FDXR: variants seen among roughly 807,000 people sequenced by gnomAD.
The protein encoded by FDXR is ferredoxin reductase, also known as NADPH:adrenodoxin oxidoreductase, mitochondrial.
A neutral mutation model predicts 58.3 loss-of-function variants in FDXR; 38 were observed. The ratio of observed to expected loss-of-function variants is 0.65; its 90% CI spans 0.50 to 0.85. The LOEUF (loss-of-function observed/expected upper bound fraction) is 0.85, where lower values mean the gene tolerates loss of function less well. Ranked by LOEUF, FDXR falls within the 40% of genes least tolerant of loss-of-function variation. The pLI, the probability that FDXR is intolerant of heterozygous loss-of-function variation, is 0.00. For missense variants in FDXR, 624 were observed against 671.0 expected (o/e 0.93, Z 0.77); for synonymous variants, 275 against 273.8 (o/e 1.00, Z -0.04).
intron 6 of FDXR, 28 bp from the exon 7 acceptor site, chr17:74,864,959 A>G (rs757769616): frequency 2.3e-5 from 37 of 1,613,930 alleles, no homozygotes; most frequent in Non-Finnish European, 3.1e-5. Context: ...CCTTGGAGTC[A>G]TCAGACACTG....
Position 74,872,964 on chromosome 17 carries a change from C to A in FDXR, c.-20G>T, listed in dbSNP as rs1474376365. 2.6e-6 allele frequency: 4 copies of A among 1,548,510 alleles called. No individual in the cohort carries two copies. Among genetic ancestry groups the A allele is most frequent in the South Asian group, 1.2e-5 (1 of 84,080 alleles). Reference sequence around the variant, plus strand: ...AGCCATGGCTGGGAGCAGCAACCTGCAAGTGGATCTGTTCCTAGCTACTGC... The same window carrying A: ...AGCCATGGCTGGGAGCAGCAACCTGAAAGTGGATCTGTTCCTAGCTACTGC... On this transcript the variant is annotated 5_prime_UTR_variant, in exon 1 of 12. Transcript: ENST00000293195.
At position 74,865,800 on chromosome 17, in the gene FDXR, A is replaced by G; in HGVS notation, c.528T>C (p.Cys176=). 6.2e-7 allele frequency: 1 copy of G among 1,613,514 alleles called. No homozygotes were observed. Among genetic ancestry groups the G allele is most frequent in the Non-Finnish European group, 8.5e-7 (1 of 1,179,848 alleles). The change falls in exon 6 of 12, where the codon TGT becomes TGC. Residue 176 remains cysteine, a synonymous_variant. Transcript: ENST00000293195. ...CCTGCCCCAGAATCACGGCTGTGTCACAGCTCAGGTCTGGCTCCAGCTGGA... is the reference window on the plus strand; with the variant it reads ...CCTGCCCCAGAATCACGGCTGTGTCGCAGCTCAGGTCTGGCTCCAGCTGGA... The part of the protein sequence containing the change: ...ENQELEPDLS[C]DTAVILGQGN...
chr17:74,864,966 A>T (rs377370693), intron 6 of FDXR, 35 bp from the exon 7 acceptor site: 2 of 1,613,878 alleles, frequency 1.2e-6, no homozygotes, highest in African/African-American at 2.7e-5. Flanking sequence ...GTCATCAGAC[A>T]CTGACCGAGG....
At position 74,872,964 on chromosome 17, in the gene FDXR, C is replaced by T; in HGVS notation, c.-20G>A. On this transcript the variant is annotated 5_prime_UTR_variant, in exon 1 of 12. Transcript: ENST00000293195. Reference sequence around the variant, plus strand: ...AGCCATGGCTGGGAGCAGCAACCTGCAAGTGGATCTGTTCCTAGCTACTGC... The same window carrying T: ...AGCCATGGCTGGGAGCAGCAACCTGTAAGTGGATCTGTTCCTAGCTACTGC... 1 of 1,548,512 alleles carries T rather than the reference C, an allele frequency of 6.5e-7. No individual in the cohort carries two copies. Among genetic ancestry groups the T allele is most frequent in the East Asian group, 2.4e-5 (1 of 41,176 alleles).
intron 2 of FDXR, chr17:74,869,849 C>T: frequency 2.4e-6 from 1 of 415,572 alleles, no homozygotes. Flanking sequence ...AATGGATTAA[C>T]ATGGATGGCC....
At chr17:74,870,268 G>A (rs1598536804) in intron 2 of FDXR, among the ~76,000 whole-genome samples, 1 of 152,206 alleles carries the variant, frequency 6.6e-6, no homozygotes, top group East Asian at 1.9e-4. Flanking sequence ...TGTAATCCCA[G>A]GACTTTGGGA....
At chr17:74,865,374 C>G (rs1262603322) in intron 6 of FDXR, among the ~76,000 whole-genome samples, 1 of 151,932 alleles carries the variant, frequency 6.6e-6, no homozygotes, top group African/African-American at 2.4e-5. Flanking sequence ...GGGAGTGGAC[C>G]AATTCAGGGA....
At chr17:74,868,430 T>C in intron 2 of FDXR, 3 of 730,526 alleles carry the variant, frequency 4.1e-6, no homozygotes, top group Admixed American at 2.0e-5. Context: ...AGAGCTATCA[T>C]TACTATTCTG....
chr17:74,872,357 A>G (rs1380249641), intron 1 of FDXR: 1 of 1,243,742 alleles, frequency 8.0e-7, no homozygotes, highest in Non-Finnish European at 1.1e-6. Flanking sequence ...CCATGAACCT[A>G]CTACACCACT....
Position 74,864,161 on chromosome 17 carries a change from A to G in FDXR, c.989T>C (p.Val330Ala). ...GRRAAGVRLA[V>A]TRLEGVDEAT... ...CATGAGACTCACCTCCAGTCTAGTG[A>G]CTGCTAGGCGGACACCTGCTGCCCG... Residue 330 changes from valine to alanine, a missense_variant, in exon 9 of 12, where the codon GTC becomes GCC. Coordinates refer to ENST00000293195, the MANE Select transcript of FDXR (RefSeq NM_024417.5). 6.2e-7 allele frequency: 1 copy of G among 1,612,762 alleles called. No individual in the cohort carries two copies. The highest frequency in any genetic ancestry group is 8.5e-7 in the Non-Finnish European group (1 of 1,179,970).
chr17:74,866,052 C>G, intron 5 of FDXR, 79 bp downstream of exon 5: 1 of 1,155,612 alleles, frequency 8.7e-7, no homozygotes, highest in Non-Finnish European at 1.3e-6. Flanking sequence ...TGGATGGCAG[C>G]TCCCTCTTCC....
chr17:74,866,960 C>G (rs1161881672), intron 2 of FDXR, 84 bp from the exon 3 acceptor site: 2 of 1,555,738 alleles, frequency 1.3e-6, no homozygotes, highest in Non-Finnish European at 8.7e-7. Flanking sequence ...CCAGACAGAG[C>G]AGGAGAGTTC....
intron 2 of FDXR, 46 bp from the exon 3 acceptor site, chr17:74,866,922 C>T: frequency 6.3e-7 from 1 of 1,592,852 alleles, no homozygotes; most frequent in Non-Finnish European, 8.5e-7. Context: ...GAGAGAGAGG[C>T]TGGGACGCCC....
rs779105566 is a variant in FDXR at position 74,863,065 on chromosome 17, G to C, written c.1345+11C>G. The C allele has an allele frequency of 1.2e-6, 2 of 1,608,696 alleles. No homozygotes were observed. The highest frequency in any genetic ancestry group is 2.2e-5 in the South Asian group (2 of 90,908). On this transcript the variant is annotated intron_variant, in intron 11 of 11. Transcript: ENST00000293195. ...CCCCACCTCCCAGGACCTCAGCATCGGGGCCCAGACCTCGGCTGCTGAGCA... is the reference window on the plus strand; with the variant it reads ...CCCCACCTCCCAGGACCTCAGCATCCGGGCCCAGACCTCGGCTGCTGAGCA...
intron 2 of FDXR, chr17:74,867,113 C>A: frequency 1.3e-6 from 1 of 755,916 alleles, no homozygotes; most frequent in South Asian, 1.9e-5. Context: ...TCGAGACCAG[C>A]CTGACCAACA....
chr17:74,867,275 C>G (rs2038224016), intron 2 of FDXR, among the ~76,000 whole-genome samples: 1 of 143,114 alleles, frequency 7.0e-6, no homozygotes. Context: ...CCATTGCACT[C>G]CAGCCTGGGT....
chr17:74,862,977 C>G (rs1348274204), intron 11 of FDXR, 30 bp from the exon 12 acceptor site: 1 of 1,606,546 alleles, frequency 6.2e-7, no homozygotes, highest in African/African-American at 1.3e-5. Flanking sequence ...GTCAACACCT[C>G]CTCCTTCACC....
intron 5 of FDXR, 33 bp downstream of exon 5, chr17:74,866,097 AG>A (rs1431161329): frequency 6.8e-7 from 1 of 1,470,444 alleles, no homozygotes; most frequent in Non-Finnish European, 9.5e-7. Context: ...AGGGGCGGGG[AG>A]GAAGAGGCAG....
chr17:74,862,974 C>A (rs2038024664), intron 11 of FDXR, 27 bp from the exon 12 acceptor site: 2 of 1,607,146 alleles, frequency 1.2e-6, no homozygotes, highest in Admixed American at 1.7e-5. Context: ...ATTGTCAACA[C>A]CTCCTCCTTC....
Sources: gnomAD v4.1 joint callset for allele counts (sites outside exome capture counted in the v4.1 genomes callset) on GRCh38, gnomAD v4.1.1 for gene constraint, MANE v1.5 for transcripts, NCBI Gene and HGNC (gene_info 2026-07-23, HGNC 2026-07-21) for gene names.